HERC4: variants seen among roughly 807,000 people sequenced by gnomAD.
The protein encoded by HERC4 is probable E3 ubiquitin-protein ligase HERC4.
HERC4 carries 28 observed loss-of-function variants against 124.3 expected under a neutral mutation model. The observed-to-expected ratio is 0.23, with a 90% CI of 0.17 to 0.31. The LOEUF is 0.31. HERC4 is among the 10% of genes least tolerant of loss of function. The pLI is 1.00. For synonymous variants in HERC4, 407 were observed against 421.5 expected (o/e 0.97, Z 0.42); for missense variants, 713 against 1,229.3 (o/e 0.58, Z 6.28).
rs543902094 is a variant in HERC4, at chr10:68,019,463, C to A, written c.909-5277G>T. 8.4e-4 allele frequency among the ~76,000 whole-genome samples: 128 copies of A among 152,090 alleles called. 1 individual carries two copies. Among genetic ancestry groups the A allele is most frequent in the Non-Finnish European group, 1.5e-3 (105 of 67,988 alleles). ...TCCATGTACATACAACAGCTTATGG[C>A]AACAGTGACACCATACAGTAGGAGG... On this transcript the variant is annotated intron_variant, in intron 8 of 24. Transcript: ENST00000373700.
intron 5 of HERC4, among the ~76,000 whole-genome samples, chr10:68,037,091 CTTTTTTTTTT>C (rs35105661): frequency 2.8e-5 from 3 of 106,930 alleles, no homozygotes; most frequent in African/African-American, 3.8e-5. Context: ...CCTATTTCTT[CTTTTTTTTTT>C]TTTTTTTTTT....
chr10:68,053,813 T>C (rs181036061), intron 3 of HERC4, among the ~76,000 whole-genome samples: 117 of 152,268 alleles, frequency 7.7e-4, no homozygotes, highest in Middle Eastern at 3.4e-3. Context: ...AACTAAAACA[T>C]TGATCATTTT....
chr10:67,958,162 C>T (rs1241354610), intron 16 of HERC4, among the ~76,000 whole-genome samples: 1 of 152,178 alleles, frequency 6.6e-6, no homozygotes, highest in African/African-American at 2.4e-5. Context: ...TTTGCCCCTG[C>T]TGGGAAGTGT....
chr10:68,035,982 G>T (rs1445102780), intron 5 of HERC4, among the ~76,000 whole-genome samples: 1 of 152,102 alleles, frequency 6.6e-6, no homozygotes, highest in Non-Finnish European at 1.5e-5. Context: ...GCTTATTACT[G>T]TATACTGTAG....
chr10:67,959,260 G>A (rs1266899946), intron 16 of HERC4: 3 of 714,594 alleles, frequency 4.2e-6, no homozygotes, highest in Non-Finnish European at 6.7e-6. Context: ...GAAGTAATGA[G>A]GTAGAAAATA....
chr10:67,947,001 A>C (rs34204741), intron 19 of HERC4, among the ~76,000 whole-genome samples: 17,007 of 152,234 alleles, frequency 0.11, 977 homozygotes, highest in South Asian at 0.15. Flanking sequence ...AAAGAGAGAG[A>C]GAGAGACCCC....
At chr10:68,023,541 C>T (rs1371973033) in intron 8 of HERC4, among the ~76,000 whole-genome samples, 2 of 152,000 alleles carry the variant, frequency 1.3e-5, no homozygotes. Context: ...GTGGTTGCCA[C>T]AAGAGAGTAT....
chr10:68,030,574 G>C (rs932456268), intron 7 of HERC4, among the ~76,000 whole-genome samples: 5 of 152,078 alleles, frequency 3.3e-5, no homozygotes, highest in Non-Finnish European at 7.4e-5. Flanking sequence ...TCATTCCACA[G>C]CATAAATACC....
In HERC4 at chr10:67,941,028, G is replaced by T. The variant is rs773981885; in HGVS notation, c.2415C>A (p.Asp805Glu). 6.2e-7 allele frequency: 1 copy of T among 1,610,466 alleles called. No homozygotes were observed. The highest frequency in any genetic ancestry group is 8.5e-7 in the Non-Finnish European group (1 of 1,178,138). The part of the protein sequence containing the change: ...GLAIYNCTIV[D>E]LHFPLALYKK... ...TATATAAAGCCAAAGGAAAATGGAGGTCCACAATGGTACAATTATAAATTG... is the reference window on the plus strand; with the variant it reads ...TATATAAAGCCAAAGGAAAATGGAGTTCCACAATGGTACAATTATAAATTG... The change falls in exon 20 of 25, where the codon GAC becomes GAA. Residue 805 changes from aspartate (D) to glutamate (E), a missense_variant. Asp to Glu is a conservative substitution (Grantham distance 45). Transcript: ENST00000373700.
intron 16 of HERC4, 81 bp downstream of exon 16, chr10:67,966,602 T>C (rs890387819): frequency 1.4e-6 from 2 of 1,409,264 alleles, no homozygotes; most frequent in Non-Finnish European, 1.9e-6. Flanking sequence ...AACTTTCTCA[T>C]TTCAAAACCA....
intron 3 of HERC4, among the ~76,000 whole-genome samples, chr10:68,063,762 AC>A (rs1203340064): frequency 6.6e-6 from 1 of 151,644 alleles, no homozygotes; most frequent in African/African-American, 2.4e-5. Flanking sequence ...ACATGGCAAA[AC>A]CCCGTCTCTA....
chr10:68,001,981 T>C (rs938812498), intron 9 of HERC4, among the ~76,000 whole-genome samples: 1 of 152,202 alleles, frequency 6.6e-6, no homozygotes, highest in Non-Finnish European at 1.5e-5. Context: ...TGTTTCCACC[T>C]TTTGGCTATA....
At chr10:68,032,373 G>A (rs1442029641) in intron 7 of HERC4, among the ~76,000 whole-genome samples, 1 of 152,086 alleles carries the variant, frequency 6.6e-6, no homozygotes, top group Non-Finnish European at 1.5e-5. Flanking sequence ...TCTATTGCTT[G>A]TATGAAGTAT....
At chr10:67,944,559 C>T (rs1031096183) in intron 19 of HERC4, among the ~76,000 whole-genome samples, 1 of 152,156 alleles carries the variant, frequency 6.6e-6, no homozygotes, top group African/African-American at 2.4e-5. Context: ...AATGAACATC[C>T]ACAAACATCA....
chr10:68,008,264 G>A (rs1424386020), intron 9 of HERC4, among the ~76,000 whole-genome samples: 1 of 152,084 alleles, frequency 6.6e-6, no homozygotes, highest in Non-Finnish European at 1.5e-5. Context: ...GACAGTACTG[G>A]GTCTCACCCA....
At chr10:67,924,971 AGTGCAGATAGTTCTGTT>A in intron 24 of HERC4, 97 bp downstream of exon 24, 5 of 581,706 alleles carry the variant, frequency 8.6e-6, no homozygotes, top group Non-Finnish European at 1.5e-5. Flanking sequence ...TGTACTGAAG[AGTGCAGATAGTTCTGTT>A]TCAAAAAAAT....
intron 23 of HERC4, among the ~76,000 whole-genome samples, chr10:67,928,114 C>T (rs532716380): frequency 1.1e-4 from 17 of 152,192 alleles, no homozygotes; most frequent in Admixed American, 3.9e-4. Flanking sequence ...AGGAAACAAA[C>T]GCCCTAAGAC....
At chr10:67,958,575 T>C (rs76238113) in intron 16 of HERC4, among the ~76,000 whole-genome samples, 7,977 of 152,274 alleles carry the variant, frequency 0.052, 737 homozygotes, top group African/African-American at 0.18. Context: ...TATTATAATG[T>C]TCCCAAGTGT....
At chr10:68,070,346 C>A (rs2041508971) in intron 3 of HERC4, 3 of 918,948 alleles carry the variant, frequency 3.3e-6, no homozygotes, top group Non-Finnish European at 3.9e-6. Context: ...GTGGCTCATG[C>A]CTGTAATTCC....
Sources: allele counts gnomAD v4.1 joint callset (sites outside exome capture counted in the v4.1 genomes callset), GRCh38; gene constraint gnomAD v4.1.1; transcripts MANE v1.5; gene names NCBI Gene and HGNC (gene_info 2026-07-23, HGNC 2026-07-21).